KIFAP3: variants seen among roughly 807,000 people sequenced by gnomAD.
KIFAP3 encodes kinesin associated protein 3.
In KIFAP3, 68 loss-of-function variants were observed where a neutral mutation model predicts 106.5. The observed-to-expected ratio is 0.64, with a 90% CI of 0.53 to 0.78. The LOEUF is 0.78. Ranked by LOEUF, KIFAP3 falls within the 30% of genes least tolerant of loss-of-function variation. The probability of loss-of-function intolerance (pLI) is 0.00; values close to 1 mark genes in which losing one functional copy is unlikely to be tolerated. For missense variants in KIFAP3, 780 were observed against 941.8 expected (o/e 0.83, Z 2.25); for synonymous variants, 320 against 311.5 (o/e 1.03, Z -0.29).
intron 2 of KIFAP3, 110 bp from the exon 3 acceptor site, chr1:170,046,976 T>C: frequency 1.9e-6 from 1 of 536,402 alleles, no homozygotes; most frequent in Non-Finnish European, 2.9e-6. Flanking sequence ...AACCTGGCCA[T>C]AGACTCTTAG....
At chr1:170,053,371 C>T (rs1670672922) in intron 2 of KIFAP3, among the ~76,000 whole-genome samples, 1 of 152,066 alleles carries the variant, frequency 6.6e-6, no homozygotes, top group Non-Finnish European at 1.5e-5. Context: ...AAAAACATCC[C>T]ATCCTCATGG....
chr1:169,970,073 C>T (rs546810887), intron 17 of KIFAP3, among the ~76,000 whole-genome samples: 2 of 151,950 alleles, frequency 1.3e-5, no homozygotes, highest in East Asian at 3.9e-4. Flanking sequence ...TTCTCTAGAT[C>T]GGAGGGGTAG....
chr1:169,979,496 T>C, intron 15 of KIFAP3, among the ~76,000 whole-genome samples: 1 of 152,150 alleles, frequency 6.6e-6, no homozygotes, highest in East Asian at 1.9e-4. Flanking sequence ...AATAGGCACA[T>C]CTTTTTACTG....
At chr1:169,952,899 G>A (rs1262996634) in intron 19 of KIFAP3, among the ~76,000 whole-genome samples, 2 of 151,882 alleles carry the variant, frequency 1.3e-5, no homozygotes, top group Admixed American at 6.6e-5. Context: ...AAGAGTTATC[G>A]CACATTGGTC....
intron 5 of KIFAP3, among the ~76,000 whole-genome samples, chr1:170,037,560 T>C (rs1190583562): frequency 6.7e-6 from 1 of 150,314 alleles, no homozygotes; most frequent in Non-Finnish European, 1.5e-5. Flanking sequence ...TGAAACCCTG[T>C]CTCTACTAAA....
At chr1:169,993,147 G>A (rs1490214981) in intron 10 of KIFAP3, among the ~76,000 whole-genome samples, 4 of 138,116 alleles carry the variant, frequency 2.9e-5, no homozygotes, top group East Asian at 2.1e-4. Context: ...TCACTCTGTC[G>A]CCCAGGCCAG....
chr1:170,019,571 A>G (rs1260298278), intron 9 of KIFAP3, among the ~76,000 whole-genome samples: 2 of 152,094 alleles, frequency 1.3e-5, no homozygotes, highest in African/African-American at 4.8e-5. Context: ...GACTGTTGCG[A>G]ATATGCGAAA....
chr1:169,922,234 C>T (rs1023912042), intron 19 of KIFAP3, among the ~76,000 whole-genome samples: 1 of 152,116 alleles, frequency 6.6e-6, no homozygotes, highest in Non-Finnish European at 1.5e-5. Context: ...TTAGTAAAAA[C>T]ATGTGTTTGA....
intron 10 of KIFAP3, among the ~76,000 whole-genome samples, chr1:169,998,397 T>TAC (rs1346595286): frequency 0.015 from 1,155 of 77,854 alleles, 16 homozygotes; most frequent in African/African-American, 0.061. Flanking sequence ...TATATATATA[T>TAC]ATACACACAC....
intron 1 of KIFAP3, among the ~76,000 whole-genome samples, chr1:170,082,007 C>T (rs1323374987): frequency 6.6e-6 from 1 of 152,182 alleles, no homozygotes; most frequent in Non-Finnish European, 1.5e-5. Flanking sequence ...CAAAATGGTA[C>T]AACCTTTTGG....
At chr1:170,019,843 G>A (rs114499745) in intron 9 of KIFAP3, among the ~76,000 whole-genome samples, 10 of 152,112 alleles carry the variant, frequency 6.6e-5, no homozygotes, top group African/African-American at 2.4e-4. Context: ...AGTGCAATAA[G>A]GCAAGAAAAA....
At chr1:169,992,277 G>T in intron 10 of KIFAP3, 22 bp from the exon 11 acceptor site, 2 of 1,270,822 alleles carry the variant, frequency 1.6e-6, no homozygotes, top group Non-Finnish European at 2.2e-6. Context: ...ACATCATGGT[G>T]ATGATGCTAT....
intron 11 of KIFAP3, among the ~76,000 whole-genome samples, chr1:169,988,152 A>C (rs539941807): frequency 1.3e-5 from 2 of 152,182 alleles, no homozygotes; most frequent in South Asian, 4.1e-4. Flanking sequence ...TTGTATATAT[A>C]ATCACCCACT....
At chr1:170,004,646 T>C (rs1430894637) in intron 10 of KIFAP3, among the ~76,000 whole-genome samples, 59 of 150,910 alleles carry the variant, frequency 3.9e-4, no homozygotes, top group African/African-American at 1.2e-3. Flanking sequence ...GGAAAACTGG[T>C]TAGCCATATG....
rs1344651737 is a variant in KIFAP3 at position 170,039,325 on chromosome 1, T to C, written c.320-37A>G. 2.5e-6 allele frequency: 3 copies of C among 1,193,300 alleles called. No individual in the cohort carries two copies. The African/African-American group carries it at 4.5e-5, about 18-fold the overall frequency. 73.9% of individuals were successfully genotyped at this position (1,193,300 alleles called of 1,614,324 possible). ...TTTTTTTTTAATAAGGAGACTTAGG[T>C]TTTTAGGGTTTCTAGGTAATTTTTA... On this transcript the variant is annotated intron_variant, in intron 3 of 19. Coordinates refer to ENST00000361580, the MANE Select transcript of KIFAP3 (RefSeq NM_014970.4).
chr1:169,933,383 A>G (rs1267374138), intron 19 of KIFAP3, among the ~76,000 whole-genome samples: 2 of 152,078 alleles, frequency 1.3e-5, no homozygotes, highest in African/African-American at 4.8e-5. Context: ...AATCTCTACT[A>G]TTATAAGCTT....
chr1:170,018,335 C>A (rs1668625313), intron 9 of KIFAP3, among the ~76,000 whole-genome samples: 1 of 152,032 alleles, frequency 6.6e-6, no homozygotes, highest in South Asian at 2.1e-4. Flanking sequence ...GGTTTGCAAA[C>A]CCCTGCTCTA....
At chr1:170,016,313 C>T in intron 10 of KIFAP3, 149 bp downstream of exon 10, 1 of 604,800 alleles carries the variant, frequency 1.7e-6, no homozygotes, top group East Asian at 3.3e-5. Context: ...TCATTTTTTA[C>T]TTACTCTGCT....
At chr1:169,927,003 CTTTT>C (rs1186279670) in intron 19 of KIFAP3, among the ~76,000 whole-genome samples, 3 of 152,098 alleles carry the variant, frequency 2.0e-5, no homozygotes, top group African/African-American at 7.2e-5. Flanking sequence ...ATAGTTCATT[CTTTT>C]TATCAATTTC....
Sources: gnomAD v4.1 joint callset for allele counts (sites outside exome capture counted in the v4.1 genomes callset) on GRCh38, gnomAD v4.1.1 for gene constraint, MANE v1.5 for transcripts, NCBI Gene and HGNC (gene_info 2026-07-23, HGNC 2026-07-21) for gene names.